SYNJ2: variants seen among roughly 807,000 people sequenced by gnomAD.
SYNJ2 encodes the protein synaptojanin 2.
In SYNJ2, 116 loss-of-function variants were observed where a neutral mutation model predicts 141.3. The observed-to-expected ratio is 0.82, with a 90% CI of 0.71 to 0.96. SYNJ2 has a LOEUF of 0.96. SYNJ2 is among the 40% of genes least tolerant of loss of function. The pLI, the probability that SYNJ2 is intolerant of heterozygous loss-of-function variation, is 0.00. For missense variants in SYNJ2, 1,873 were observed against 1,934.8 expected, an observed-to-expected ratio of 0.97 and a Z score of 0.60; for synonymous variants, 745 against 777.7, an observed-to-expected ratio of 0.96 and a Z score of 0.70.
rs754888658 is a variant in SYNJ2, at chr6:158,034,685, C to T, written c.711+1005C>T. Among the ~76,000 whole-genome samples, 9 of 152,298 alleles carry T rather than the reference C, an allele frequency of 5.9e-5. No individual in the cohort carries two copies. The East Asian group carries it at 9.6e-4, about 16-fold the overall frequency. ...AGAATGTCTGCACTGTGGATATCAA[C>T]GAGGCTATTATGTAAATATCTGGTT... On this transcript the variant is annotated intron_variant, in intron 4 of 26. Coordinates refer to ENST00000355585, the MANE Select transcript of SYNJ2 (RefSeq NM_003898.4).
intron 1 of SYNJ2, among the ~76,000 whole-genome samples, chr6:157,984,250 G>A (rs554714051): frequency 7.0e-4 from 106 of 152,318 alleles, no homozygotes; most frequent in African/African-American, 2.5e-3. Flanking sequence ...TTGTAGGAGA[G>A]AGCCTTATGT....
At chr6:158,055,929 T>C (rs1489907619) in intron 6 of SYNJ2, among the ~76,000 whole-genome samples, 1 of 152,194 alleles carries the variant, frequency 6.6e-6, no homozygotes, top group African/African-American at 2.4e-5. Context: ...GTCCTGAGCA[T>C]TCTACATGCG....
intron 13 of SYNJ2, 44 bp from the exon 14 acceptor site, chr6:158,069,489 C>T: frequency 9.5e-6 from 15 of 1,586,366 alleles, no homozygotes; most frequent in Non-Finnish European, 1.3e-5. Context: ...GATAGATGTA[C>T]TTCCAGCTAC....
chr6:158,093,775 T>C, intron 26 of SYNJ2: 1 of 688,546 alleles, frequency 1.5e-6, no homozygotes, highest in East Asian at 2.5e-5. Context: ...TGCACATGGT[T>C]TCAAGGCATT....
chr6:158,013,726 G>C (rs1007518456), intron 1 of SYNJ2, among the ~76,000 whole-genome samples: 27 of 152,236 alleles, frequency 1.8e-4, no homozygotes, highest in Admixed American at 1.3e-4. Flanking sequence ...CAGCTGAAAA[G>C]GATGCTCTGC....
rs1562379798 is a variant in SYNJ2, at chr6:158,069,661, T to A, written c.1928T>A (p.Val643Asp). ...CLYIFVRPYH[V>D]PFIRDVAIDT... ...TATATCTTTGTACGTCCATACCATGTCCCGTTCATCAGGTAAGAACATTCT... is the reference window on the plus strand; with the variant it reads ...TATATCTTTGTACGTCCATACCATGACCCGTTCATCAGGTAAGAACATTCT... The change falls in exon 14 of 27, where the codon GTC becomes GAC. Residue 643 changes from valine (V) to aspartate (D), a missense_variant. By Grantham distance (152) the Val-to-Asp change is radical. Transcript: ENST00000355585. 1 of 1,612,824 alleles carries A rather than the reference T, an allele frequency of 6.2e-7. No individual in the cohort carries two copies. Among genetic ancestry groups the A allele is most frequent in the East Asian group, 2.2e-5 (1 of 44,852 alleles).
chr6:158,051,299 G>A (rs12665500), intron 5 of SYNJ2, among the ~76,000 whole-genome samples: 7 of 151,980 alleles, frequency 4.6e-5, no homozygotes, highest in Non-Finnish European at 1.0e-4. Flanking sequence ...CACAGAGCAG[G>A]TAGCCCCTCT....
Position 157,993,312 on chromosome 6 carries a change from T to C in SYNJ2, c.127+11224T>C, listed in dbSNP as rs374528959. ...GTTGGGCACCTTTTCATATGCCTGT[T>C]TACCATTTGTATTTCTTCTTTTGAG... On this transcript the variant is annotated intron_variant, in intron 1 of 26. Coordinates refer to ENST00000355585, the MANE Select transcript of SYNJ2 (RefSeq NM_003898.4). 5.3e-5 allele frequency among the ~76,000 whole-genome samples: 8 copies of C among 152,364 alleles called. No individual in the cohort carries two copies. In the East Asian group the frequency reaches 7.7e-4, roughly 15 times the overall value.
At chr6:157,981,789 G>A (rs530585034), upstream of SYNJ2, 13 of 510,310 alleles carry the variant, frequency 2.5e-5, no homozygotes, top group East Asian at 4.7e-4. This position sits in a 1 kb window ranked among gnomAD's most constrained non-coding sequence, Gnocchi z 6.4. Flanking sequence ...GGCTGGGGAG[G>A]CGCGAGTGGG....
chr6:158,034,982 C>G (rs35343916), intron 4 of SYNJ2, among the ~76,000 whole-genome samples: 57,277 of 152,026 alleles, frequency 0.38, 11,079 homozygotes, highest in Middle Eastern at 0.48. Context: ...TCAAAGATCA[C>G]ATGGTTGTAG....
intron 1 of SYNJ2, among the ~76,000 whole-genome samples, chr6:157,995,644 C>T (rs141562269): frequency 6.6e-5 from 10 of 152,334 alleles, no homozygotes; most frequent in African/African-American, 2.4e-4. Flanking sequence ...CGCCAGGAGA[C>T]AGACGGACAC....
intron 6 of SYNJ2, among the ~76,000 whole-genome samples, chr6:158,058,511 A>G (rs1781007417): frequency 6.6e-6 from 1 of 152,262 alleles, no homozygotes; most frequent in Admixed American, 6.5e-5. Flanking sequence ...ATAATGCAAT[A>G]TAGCACTTAG....
rs1782448107 is a variant in SYNJ2 at position 158,078,247 on chromosome 6, T to C, written c.2533T>C (p.Tyr845His). ...CTGGTCTCCTGGTGCCCTGCAGTAT[T>C]ATGGTCGTGCGGAGCTACAAGCGTC... ...HTWSPGALQY[Y>H]GRAELQASDH... Residue 845 changes from tyrosine to histidine, a missense_variant, in exon 18 of 27, where the codon TAT (tyrosine) becomes CAT (histidine). Tyr to His is a moderately conservative substitution (Grantham distance 83). Coordinates refer to ENST00000355585, the MANE Select transcript of SYNJ2 (RefSeq NM_003898.4). 1 of 1,613,906 alleles carries C rather than the reference T, an allele frequency of 6.2e-7. No homozygotes were observed. Among genetic ancestry groups the C allele is most frequent in the South Asian group, 1.1e-5 (1 of 91,080 alleles).
rs1779092219 is a variant in SYNJ2 at position 158,027,182 on chromosome 6, G to A, written c.215-1574G>A. 1 of 985,156 alleles carries A rather than the reference G, an allele frequency of 1.0e-6. No homozygotes were observed. Among genetic ancestry groups the A allele is most frequent in the Non-Finnish European group, 1.2e-6 (1 of 829,900 alleles). The allele number at this position is 985,156 out of a possible 1,614,324, so 61.0% of individuals were successfully genotyped here. ...TGAAGTGTGGTGAGGAAATTGGGGT[G>A]AGAGGGTGGTGGAACTGGTTGTTTT... On this transcript the variant is annotated intron_variant, in intron 2 of 26. Coordinates refer to ENST00000355585, the MANE Select transcript of SYNJ2 (RefSeq NM_003898.4). The surrounding 1 kb of genome is among the most constrained non-coding windows in gnomAD (Gnocchi z 4.6).
chr6:158,093,312 T>A (rs1186120233), intron 26 of SYNJ2, among the ~76,000 whole-genome samples: 1 of 151,860 alleles, frequency 6.6e-6, no homozygotes, highest in Non-Finnish European at 1.5e-5. Context: ...GGCGCACGCC[T>A]GTAATCCCAG....
Position 158,098,035 on chromosome 6 carries a change from G to A in SYNJ2, c.*1671G>A, listed in dbSNP as rs1008016773. The A allele has an allele frequency of 1.3e-5, 2 of 152,288 alleles. No individual in the cohort carries two copies. Among genetic ancestry groups the A allele is most frequent in the East Asian group, 3.9e-4 (2 of 5,190 alleles). The allele number at this position is 152,288 out of a possible 1,614,324, so 9.4% of individuals were successfully genotyped here. A position where few individuals can be genotyped will look rare whatever the true frequency, so the allele number is the denominator to read the frequency against. On this transcript the variant is annotated 3_prime_UTR_variant, in exon 27 of 27. Coordinates refer to ENST00000355585, the MANE Select transcript of SYNJ2 (RefSeq NM_003898.4). Reference sequence around the variant, plus strand: ...TAACAGAGTTTGGGGGAGAGAGCAAGATGGGTTCCTTGGAGAAGCTGATTT... The same window carrying A: ...TAACAGAGTTTGGGGGAGAGAGCAAAATGGGTTCCTTGGAGAAGCTGATTT...
At chr6:158,026,688 G>C (rs544361045) in intron 2 of SYNJ2, among the ~76,000 whole-genome samples, 1 of 152,370 alleles carries the variant, frequency 6.6e-6, no homozygotes, top group South Asian at 2.1e-4. Flanking sequence ...TGTTGAGGAA[G>C]TGGTGCTAGA....
At chr6:158,062,437 G>A (rs1781281394) in intron 8 of SYNJ2, among the ~76,000 whole-genome samples, 1 of 152,100 alleles carries the variant, frequency 6.6e-6, no homozygotes, top group Non-Finnish European at 1.5e-5. Flanking sequence ...ATTTCTCAAG[G>A]AGATGTTGAG....
chr6:158,044,324 A>G (rs1343668800), intron 5 of SYNJ2, among the ~76,000 whole-genome samples: 1 of 152,216 alleles, frequency 6.6e-6, no homozygotes, highest in Non-Finnish European at 1.5e-5. Context: ...ACCCTGTGCC[A>G]GGAGCAGGTG....
Sources: gnomAD v4.1 joint callset for allele counts (sites outside exome capture counted in the v4.1 genomes callset) on GRCh38, gnomAD v4.1.1 for gene constraint, Gnocchi (gnomAD v3.1) non-coding constraint, MANE v1.5 for transcripts, NCBI Gene and HGNC (gene_info 2026-07-23, HGNC 2026-07-21) for gene names.